TMEM44: variants seen among roughly 807,000 people sequenced by gnomAD.
TMEM44 encodes transmembrane protein 44.
Under a neutral mutation model 47.8 loss-of-function variants are expected in TMEM44, and 43 were observed. That is an observed-to-expected ratio of 0.90 (90% CI 0.70 to 1.16). TMEM44 has a LOEUF of 1.16. Ranked by LOEUF, TMEM44 falls within the 50% of genes most tolerant of loss-of-function variation. TMEM44 has a pLI of 0.00. For missense variants in TMEM44, 568 were observed against 555.2 expected, an observed-to-expected ratio of 1.02 and a Z score of -0.23; for synonymous variants, 277 against 238.8, an observed-to-expected ratio of 1.16 and a Z score of -1.48.
rs1718030370 is a variant in TMEM44 at position 194,633,252 on chromosome 3, G to C, written c.-37C>G. The C allele has an allele frequency of 8.7e-7, 1 of 1,145,244 alleles. No individual in the cohort carries two copies. Among genetic ancestry groups the C allele is most frequent in the African/African-American group, 1.7e-5 (1 of 60,454 alleles). The allele number at this position is 1,145,244 out of a possible 1,614,324, so 70.9% of individuals were successfully genotyped here. A position where few individuals can be genotyped will look rare whatever the true frequency, so the allele number is the denominator to read the frequency against. On this transcript the variant is annotated 5_prime_UTR_variant, in exon 1 of 10. Coordinates refer to ENST00000347147, the MANE Select transcript of TMEM44 (RefSeq NM_001011655.3). ...GCGCGCGGCGCGGGGCCGGGGACCTGGGCGCAGCCTCCCTCGCCGCGGGCA... is the reference window on the plus strand; with the variant it reads ...GCGCGCGGCGCGGGGCCGGGGACCTCGGCGCAGCCTCCCTCGCCGCGGGCA...
chr3:194,593,146 A>C (rs1712976017), intron 9 of TMEM44: 1 of 1,509,664 alleles, frequency 6.6e-7, no homozygotes, highest in African/African-American at 1.4e-5. Flanking sequence ...AGCAGAGCTC[A>C]GGACCAGCTC....
At chr3:194,614,158 C>CA (rs1158014241) in intron 7 of TMEM44, among the ~76,000 whole-genome samples, 5 of 151,808 alleles carry the variant, frequency 3.3e-5, no homozygotes, top group Non-Finnish European at 4.4e-5. Context: ...AACAAAAAAC[C>CA]AAAAAAACCA....
intron 9 of TMEM44, chr3:194,592,987 A>C: frequency 6.2e-7 from 1 of 1,604,180 alleles, no homozygotes; most frequent in Non-Finnish European, 8.5e-7. Context: ...ACAGGAACTG[A>C]AATCAAGCCA....
intron 9 of TMEM44, 24 bp from the exon 10 acceptor site, chr3:194,588,663 T>C (rs1420291888): frequency 6.2e-7 from 1 of 1,605,184 alleles, no homozygotes. Context: ...ATGCAAAGGG[T>C]AGCTGGGTGG....
intron 7 of TMEM44, among the ~76,000 whole-genome samples, chr3:194,614,049 G>C (rs1456855424): frequency 6.6e-6 from 1 of 152,012 alleles, no homozygotes; most frequent in Non-Finnish European, 1.5e-5. Flanking sequence ...TTGAACCCGG[G>C]AGGCGGAGGT....
Position 194,617,223 on chromosome 3 carries a change from A to C in TMEM44, c.659T>G (p.Leu220Arg), listed in dbSNP as rs771198203. 6.1e-6 allele frequency: 9 copies of C among 1,463,568 alleles called. No individual in the cohort carries two copies. The highest frequency in any genetic ancestry group is 8.3e-6 in the Non-Finnish European group (9 of 1,089,846). The allele number at this position is 1,463,568 out of a possible 1,614,324, so 90.7% of individuals were successfully genotyped here. A position where few individuals can be genotyped will look rare whatever the true frequency, so the allele number is the denominator to read the frequency against. Residue 220 changes from leucine to arginine, a missense_variant, in exon 6 of 10, where the codon CTG (leucine) becomes CGG (arginine). Physicochemically the swap from Leu to Arg is moderately radical, Grantham distance 102. Coordinates refer to ENST00000347147, the MANE Select transcript of TMEM44 (RefSeq NM_001011655.3). ...ATAGAGGAGGCCAGCCAGGGCCGAC[A>C]GGAGCCGGGTCCACAGGTGGATGGA... ...FPSIHLWTRL[L>R]SALAGLLYAS...
chr3:194,616,972 A>AC, intron 6 of TMEM44, 127 bp downstream of exon 6: 1 of 1,055,250 alleles, frequency 9.5e-7, no homozygotes, highest in South Asian at 1.8e-5. Flanking sequence ...GCTTCAAACC[A>AC]CTCCCTTACT....
chr3:194,607,198 C>A (rs1390979940), intron 8 of TMEM44, among the ~76,000 whole-genome samples: 1 of 151,874 alleles, frequency 6.6e-6, no homozygotes, highest in African/African-American at 2.4e-5. Flanking sequence ...GCCTGGCACC[C>A]CTTCCTCTCT....
chr3:194,630,404 T>C (rs560641746), intron 1 of TMEM44, among the ~76,000 whole-genome samples: 38 of 123,354 alleles, frequency 3.1e-4, no homozygotes, highest in Non-Finnish European at 5.7e-4. Flanking sequence ...TCGGCATCAC[T>C]GATAGGGCCC....
At chr3:194,593,942 C>G (rs1713059068) in intron 9 of TMEM44, among the ~76,000 whole-genome samples, 3 of 152,114 alleles carry the variant, frequency 2.0e-5, no homozygotes, top group African/African-American at 7.2e-5. Context: ...TCCTGAGTAG[C>G]TGGGACTACA....
intron 5 of TMEM44, 30 bp from the exon 6 acceptor site, chr3:194,617,299 G>GGGGC: frequency 6.6e-5 from 41 of 619,658 alleles, no homozygotes; most frequent in Non-Finnish European, 9.4e-5. Flanking sequence ...GGCTGGGCGG[G>GGGGC]AGAAGCAGCA....
intron 7 of TMEM44, among the ~76,000 whole-genome samples, chr3:194,613,156 C>G (rs898771061): frequency 1.3e-5 from 2 of 151,954 alleles, no homozygotes; most frequent in Non-Finnish European, 2.9e-5. Context: ...GTAAACAACA[C>G]TTATTTTTTA....
chr3:194,605,512 C>T (rs556167928), intron 8 of TMEM44, among the ~76,000 whole-genome samples: 27 of 152,320 alleles, frequency 1.8e-4, no homozygotes, highest in African/African-American at 5.1e-4. Context: ...GAGCAAGTCA[C>T]GTCTTACATG....
At chr3:194,599,205 G>A (rs1015298454) in intron 9 of TMEM44, among the ~76,000 whole-genome samples, 3 of 152,176 alleles carry the variant, frequency 2.0e-5, no homozygotes, top group African/African-American at 7.2e-5. Flanking sequence ...AGTAAGGCGG[G>A]GGACCAGACT....
intron 6 of TMEM44, 82 bp from the exon 7 acceptor site, chr3:194,615,779 AC>A: frequency 3.2e-6 from 5 of 1,538,540 alleles, no homozygotes; most frequent in Admixed American, 1.7e-5. Flanking sequence ...CCATGCTGCC[AC>A]CCCCCTCCCC....
In TMEM44 at chr3:194,593,082, TAA is replaced by T. The variant is rs755549985; in HGVS notation, c.1177-4445_1177-4444del. ...GCCTCCCAATACTTCTGCTGCAGAA[TAA>T]AAAGAGAGACAGAAAAAGTGTTGGA... is the stretch of plus-strand genomic sequence containing the variant. On this transcript the variant is annotated intron_variant, in intron 9 of 9. Transcript: ENST00000347147. 147 of 1,613,008 alleles carry T rather than the reference TAA, an allele frequency of 9.1e-5. 1 individual carries two copies. The highest frequency in any genetic ancestry group is 9.9e-5 in the Non-Finnish European group (117 of 1,179,490).
intron 1 of TMEM44, among the ~76,000 whole-genome samples, chr3:194,630,158 C>T (rs1320111881): frequency 1.6e-4 from 14 of 89,266 alleles, no homozygotes; most frequent in Admixed American, 6.8e-4. Flanking sequence ...ACCTGCTTCC[C>T]GAAGGGGCTG....
rs866361255 is a variant in TMEM44 at position 194,617,546 on chromosome 3, C to T, written c.613-277G>A. ...AGCAACTCCCTTTTCTGGGCCCTAA[C>T]GCATCCCTCCAGCGGAGTACCTTTG... On this transcript the variant is annotated intron_variant, in intron 5 of 9. Coordinates refer to ENST00000347147, the MANE Select transcript of TMEM44 (RefSeq NM_001011655.3). 1.2e-4 allele frequency: 77 copies of T among 624,420 alleles called. No homozygotes were observed. In the Middle Eastern group the frequency reaches 7.8e-3, roughly 63 times the overall value. The allele number at this position is 624,420 out of a possible 1,614,324, so 38.7% of individuals were successfully genotyped here. A position where few individuals can be genotyped will look rare whatever the true frequency, so the allele number is the denominator to read the frequency against.
In TMEM44 at chr3:194,604,326, G is replaced by T; in HGVS notation, c.1137C>A (p.Gly379=). ...TGATGGAGGAGACCTCAGAGGAGCT[G>T]CCGGAAGACACCCGGGCCCGGATGA... ...VQVIRARVSS[G]SSSEVSSINS... Residue 379 remains glycine, a synonymous_variant, in exon 9 of 10, where the codon GGC becomes GGA. Coordinates refer to ENST00000347147, the MANE Select transcript of TMEM44 (RefSeq NM_001011655.3). The T allele has an allele frequency of 1.3e-6, 2 of 1,580,188 alleles. No individual in the cohort carries two copies. The highest frequency in any genetic ancestry group is 1.8e-5 in the Admixed American group (1 of 54,886).
Sources: allele counts gnomAD v4.1 joint callset (sites outside exome capture counted in the v4.1 genomes callset), GRCh38; gene constraint gnomAD v4.1.1; transcripts MANE v1.5; gene names NCBI Gene and HGNC (gene_info 2026-07-23, HGNC 2026-07-21).